Variants in SRP54 observed in about 807,000 individuals in gnomAD.
SRP54 encodes signal recognition particle subunit SRP54.
Under a neutral mutation model 64.8 loss-of-function variants are expected in SRP54, and 10 were observed. That is an observed-to-expected ratio of 0.15 (90% CI 0.10 to 0.26). The LOEUF (loss-of-function observed/expected upper bound fraction) is 0.26, where lower values mean the gene tolerates loss of function less well. SRP54 is among the 10% of genes least tolerant of loss of function. The pLI is 1.00. For missense variants in SRP54, 325 were observed against 613.7 expected (o/e 0.53, Z 4.97); for synonymous variants, 193 against 185.6 (o/e 1.04, Z -0.32).
At chr14:35,016,859 TTCTTC>T (rs759056171) in intron 11 of SRP54, among the ~76,000 whole-genome samples, 147 of 97,180 alleles carry the variant, frequency 1.5e-3, no homozygotes, top group South Asian at 4.2e-3. Context: ...TTTTTTTTTT[TTCTTC>T]TTTTTTTGAG....
At chr14:35,009,696 A>C (rs899678773) in intron 7 of SRP54, among the ~76,000 whole-genome samples, 2 of 152,098 alleles carry the variant, frequency 1.3e-5, no homozygotes, top group Non-Finnish European at 2.9e-5. Flanking sequence ...AGAAACATTT[A>C]TGTACCAATT....
chr14:35,016,727 T>A (rs2044444530), intron 11 of SRP54, among the ~76,000 whole-genome samples: 8 of 152,168 alleles, frequency 5.3e-5, no homozygotes, highest in Admixed American at 5.2e-4. Context: ...GCTGGGTTAC[T>A]CATTTTTTAT....
At chr14:35,008,546 TA>T in intron 5 of SRP54, 80 bp from the exon 6 acceptor site, 1 of 949,008 alleles carries the variant, frequency 1.1e-6, no homozygotes. Context: ...CTTAGGTAAA[TA>T]ATAAGGAAAA....
intron 1 of SRP54, among the ~76,000 whole-genome samples, chr14:34,996,104 C>T (rs940382173): frequency 6.6e-6 from 1 of 151,532 alleles, no homozygotes. Flanking sequence ...TACCTCTTTC[C>T]TTTGTGGTTA....
At position 34,996,665 on chromosome 14, in the gene SRP54, T is replaced by A; in HGVS notation, c.-33-12T>A. 1 of 1,337,266 alleles carries A rather than the reference T, an allele frequency of 7.5e-7. No homozygotes were observed. Among genetic ancestry groups the A allele is most frequent in the Non-Finnish European group, 1.1e-6 (1 of 928,386 alleles). The allele number at this position is 1,337,266 out of a possible 1,614,324, so 82.8% of individuals were successfully genotyped here. A position where few individuals can be genotyped will look rare whatever the true frequency, so the allele number is the denominator to read the frequency against. On this transcript the variant is annotated splice_polypyrimidine_tract_variant and intron_variant, in intron 1 of 15. Coordinates refer to ENST00000216774, the MANE Select transcript of SRP54 (RefSeq NM_003136.4). ...AATTGATTATTCTCACTTAATTTTT[T>A]TTCTGCTGTAGAGTTCTTCGTAAGT...
At chr14:35,028,851 TCC>T (rs1224061493) in intron 15 of SRP54, among the ~76,000 whole-genome samples, 1 of 152,312 alleles carries the variant, frequency 6.6e-6, no homozygotes, top group East Asian at 1.9e-4. Flanking sequence ...TCGCAATAAC[TCC>T]GTAAGATAGG....
In SRP54 at chr14:35,011,542, T is replaced by C; in HGVS notation, c.519T>C (p.Ser173=). The C allele has an allele frequency of 6.4e-7, 1 of 1,573,262 alleles. No individual in the cohort carries two copies. The highest frequency in any genetic ancestry group is 8.7e-7 in the Non-Finnish European group (1 of 1,155,120). Residue 173 remains serine (S), a synonymous_variant, in exon 8 of 16, where the codon TCT becomes TCC. Transcript: ENST00000216774. ...YTEMDPVIIA[S]EGVEKFKNEN... ...AAATGGATCCTGTCATCATTGCTTC[T>C]GAAGGAGTAGAGAAATTTAAAAATG...
intron 5 of SRP54, among the ~76,000 whole-genome samples, chr14:35,007,625 A>T (rs1439135200): frequency 8.2e-6 from 1 of 121,410 alleles, no homozygotes; most frequent in Admixed American, 8.5e-5. Context: ...ATATTTTATT[A>T]AAATATATTT....
chr14:35,021,354 G>C (rs2044526314), intron 13 of SRP54, among the ~76,000 whole-genome samples: 1 of 152,148 alleles, frequency 6.6e-6, no homozygotes, highest in African/African-American at 2.4e-5. Flanking sequence ...AGCTGGCCAG[G>C]TGCGGTGGCT....
At chr14:35,023,116 GA>G (rs1277546446) in intron 14 of SRP54, 36 bp downstream of exon 14, 1 of 1,510,190 alleles carries the variant, frequency 6.6e-7, no homozygotes, top group South Asian at 1.3e-5. Context: ...TTAACAGACG[GA>G]AAAGAAAGGA....
At chr14:34,998,462 A>G (rs1219493814) in intron 2 of SRP54, among the ~76,000 whole-genome samples, 2 of 152,130 alleles carry the variant, frequency 1.3e-5, no homozygotes, top group Non-Finnish European at 2.9e-5. Flanking sequence ...AAAAATGACA[A>G]GACTGGGTAA....
intron 3 of SRP54, among the ~76,000 whole-genome samples, chr14:35,000,037 T>C (rs2044144597): frequency 6.6e-6 from 1 of 152,208 alleles, no homozygotes; most frequent in African/African-American, 2.4e-5. Context: ...ATTGGAGGAC[T>C]GTATTCTCTT....
At chr14:35,025,701 ATCT>A (rs773288459) in intron 14 of SRP54, among the ~76,000 whole-genome samples, 11 of 152,368 alleles carry the variant, frequency 7.2e-5, no homozygotes, top group African/African-American at 2.6e-4. Flanking sequence ...TGGAATTCCC[ATCT>A]TCTTCAGATT....
At chr14:35,025,076 C>T (rs1005832058) in intron 14 of SRP54, among the ~76,000 whole-genome samples, 1 of 152,028 alleles carries the variant, frequency 6.6e-6, no homozygotes, top group Non-Finnish European at 1.5e-5. Flanking sequence ...TTTTTAATCT[C>T]AATTGAATTT....
chr14:35,007,684 T>C (rs2044285087), intron 5 of SRP54, among the ~76,000 whole-genome samples: 1 of 145,798 alleles, frequency 6.9e-6, no homozygotes, highest in African/African-American at 2.5e-5. Flanking sequence ...TTAAAATATA[T>C]TTACATAAAA....
At chr14:35,025,585 A>C (rs889515195) in intron 14 of SRP54, among the ~76,000 whole-genome samples, 1 of 152,228 alleles carries the variant, frequency 6.6e-6, no homozygotes, top group Non-Finnish European at 1.5e-5. Context: ...CCCAAGATGA[A>C]GTTGGCAGTG....
At chr14:35,020,998 T>C (rs901384670) in intron 13 of SRP54, among the ~76,000 whole-genome samples, 1 of 152,234 alleles carries the variant, frequency 6.6e-6, no homozygotes, top group Non-Finnish European at 1.5e-5. Flanking sequence ...TTATCTTCTT[T>C]CATTTGATTT....
chr14:35,003,874 C>T (rs566949543), intron 4 of SRP54, among the ~76,000 whole-genome samples: 1 of 151,862 alleles, frequency 6.6e-6, no homozygotes, highest in South Asian at 2.1e-4. Context: ...GTGGAGGTTG[C>T]AGTGAGCCGA....
intron 1 of SRP54, among the ~76,000 whole-genome samples, chr14:34,987,630 T>C (rs2043920059): frequency 6.6e-6 from 1 of 152,196 alleles, no homozygotes; most frequent in African/African-American, 2.4e-5. Context: ...TTTTATTGCC[T>C]AGTGATATAC....
Sources: allele counts gnomAD v4.1 joint callset (sites outside exome capture counted in the v4.1 genomes callset), GRCh38; gene constraint gnomAD v4.1.1; transcripts MANE v1.5; gene names NCBI Gene and HGNC (gene_info 2026-07-23, HGNC 2026-07-21).